Variants in XRCC4 observed in about 807,000 individuals in gnomAD.
The protein encoded by XRCC4 is X-ray repair cross complementing 4.
A neutral mutation model predicts 39.1 loss-of-function variants in XRCC4; 28 were observed. The ratio of observed to expected loss-of-function variants is 0.72; its 90% CI spans 0.53 to 0.98. The LOEUF is 0.98. Among genes scored for constraint, XRCC4 ranks in the 50% least tolerant of loss-of-function variants. The pLI is 0.00. For missense variants in XRCC4, 350 were observed against 376.4 expected (o/e 0.93, Z 0.58); for synonymous variants, 123 against 126.4 (o/e 0.97, Z 0.18).
At chr5:83,142,684 TTTG>T (rs1748242638) in intron 3 of XRCC4, among the ~76,000 whole-genome samples, 3 of 151,756 alleles carry the variant, frequency 2.0e-5, no homozygotes, top group Non-Finnish European at 4.4e-5. Flanking sequence ...TCCTGTTTTT[TTTG>T]TTTGTTATTT....
chr5:83,312,739 G>A (rs1216215315), intron 7 of XRCC4, among the ~76,000 whole-genome samples: 3 of 152,134 alleles, frequency 2.0e-5, no homozygotes, highest in African/African-American at 7.2e-5. Context: ...GCAGTATGGA[G>A]GCAGGAGTGA....
At chr5:83,116,543 C>T (rs10045104) in intron 3 of XRCC4, among the ~76,000 whole-genome samples, 52,028 of 150,250 alleles carry the variant, frequency 0.35, 9,666 homozygotes, top group Non-Finnish European at 0.42. Context: ...TTCAAAAATA[C>T]CTGATATTTT....
intron 4 of XRCC4, 114 bp from the exon 5 acceptor site, chr5:83,203,438 G>T (rs1198870581): frequency 1.1e-6 from 1 of 902,070 alleles, no homozygotes; most frequent in African/African-American, 1.8e-5. Flanking sequence ...GAAAGCATAT[G>T]TGAAAATAAT....
chr5:83,127,616 C>T (rs942239748), intron 3 of XRCC4, among the ~76,000 whole-genome samples: 6 of 151,988 alleles, frequency 3.9e-5, no homozygotes, highest in Admixed American at 2.0e-4. Context: ...AGTATGAAAA[C>T]GGACTAATAC....
intron 3 of XRCC4, among the ~76,000 whole-genome samples, chr5:83,156,417 C>G (rs1301744150): frequency 1.3e-5 from 2 of 151,048 alleles, no homozygotes; most frequent in African/African-American, 4.9e-5. Flanking sequence ...GTTTTGAAGC[C>G]TATAATGAGG....
intron 7 of XRCC4, among the ~76,000 whole-genome samples, chr5:83,267,944 A>C (rs924401991): frequency 1.3e-4 from 20 of 152,192 alleles, no homozygotes; most frequent in Admixed American, 2.6e-4. Context: ...GAGCACAAAG[A>C]GACTTATTTA....
At chr5:83,189,214 T>C (rs1422609042) in intron 3 of XRCC4, among the ~76,000 whole-genome samples, 2 of 152,204 alleles carry the variant, frequency 1.3e-5, no homozygotes, top group African/African-American at 4.8e-5. Context: ...ATAGCATGAA[T>C]ATTTATAGCC....
At chr5:83,200,225 T>C (rs2112716344) in intron 4 of XRCC4, among the ~76,000 whole-genome samples, 1 of 152,326 alleles carries the variant, frequency 6.6e-6, no homozygotes, top group South Asian at 2.1e-4. Context: ...CTCTGAGTCT[T>C]GAAAAATTAA....
chr5:83,165,349 A>G (rs1416293525), intron 3 of XRCC4, among the ~76,000 whole-genome samples: 3 of 152,160 alleles, frequency 2.0e-5, no homozygotes, highest in Non-Finnish European at 4.4e-5. Flanking sequence ...TACAATTCCA[A>G]TATTATGAAA....
At chr5:83,214,275 A>G (rs1458106825) in intron 6 of XRCC4, among the ~76,000 whole-genome samples, 1 of 152,190 alleles carries the variant, frequency 6.6e-6, no homozygotes, top group Admixed American at 6.5e-5. Flanking sequence ...CTTTTTGCAG[A>G]TGATATGATC....
intron 1 of XRCC4, among the ~76,000 whole-genome samples, chr5:83,093,797 A>T (rs866321966): frequency 6.6e-6 from 1 of 152,140 alleles, no homozygotes; most frequent in Non-Finnish European, 1.5e-5. Flanking sequence ...AATTTATGGG[A>T]TGTTGTAAAA....
intron 1 of XRCC4, among the ~76,000 whole-genome samples, chr5:83,100,390 A>T (rs1302357720): frequency 6.6e-6 from 1 of 152,158 alleles, no homozygotes; most frequent in Non-Finnish European, 1.5e-5. Flanking sequence ...AGCCCTTTAT[A>T]TTATTGTGAA....
intron 7 of XRCC4, among the ~76,000 whole-genome samples, chr5:83,337,330 G>A (rs1159790441): frequency 6.6e-6 from 1 of 152,122 alleles, no homozygotes; most frequent in African/African-American, 2.4e-5. Flanking sequence ...TCCTTCCATT[G>A]AGAGGTAGTT....
chr5:83,142,380 G>A (rs961287558), intron 3 of XRCC4, among the ~76,000 whole-genome samples: 3 of 152,240 alleles, frequency 2.0e-5, no homozygotes, highest in African/African-American at 7.2e-5. Context: ...TAGCTAGTGA[G>A]TGGCAAAGCT....
chr5:83,109,934 T>C (rs1457416463), intron 2 of XRCC4, among the ~76,000 whole-genome samples: 6 of 151,820 alleles, frequency 4.0e-5, no homozygotes, highest in African/African-American at 1.5e-4. Context: ...AACAGAACAA[T>C]CCCTAAGGAC....
the XRCC4 span, among the ~76,000 whole-genome samples, chr5:83,362,631 AT>A: frequency 3.1e-4 from 47 of 152,292 alleles, no homozygotes; most frequent in African/African-American, 8.2e-4. Context: ...AAATACTGCC[AT>A]TTCTGAAAAT....
At chr5:83,324,298 A>T (rs1756174958) in intron 7 of XRCC4, among the ~76,000 whole-genome samples, 1 of 152,160 alleles carries the variant, frequency 6.6e-6, no homozygotes, top group Non-Finnish European at 1.5e-5. Context: ...AAACAACTTG[A>T]TGTCTCACTA....
chr5:83,372,536 G>A, the XRCC4 span, among the ~76,000 whole-genome samples: 9 of 152,090 alleles, frequency 5.9e-5, no homozygotes, highest in Admixed American at 3.9e-4. Context: ...ATTGTGAGGG[G>A]TCTGTAAATC....
intron 7 of XRCC4, among the ~76,000 whole-genome samples, chr5:83,338,177 GA>G (rs1157646437): frequency 3.3e-5 from 5 of 152,178 alleles, no homozygotes; most frequent in African/African-American, 1.2e-4. Flanking sequence ...TTATGCCAAG[GA>G]AATTTCAGCT....
Sources: gnomAD v4.1 joint callset for allele counts (sites outside exome capture counted in the v4.1 genomes callset) on GRCh38, gnomAD v4.1.1 for gene constraint, MANE v1.5 for transcripts, NCBI Gene and HGNC (gene_info 2026-07-23, HGNC 2026-07-21) for gene names.